ITGA9: variants seen among roughly 807,000 people sequenced by gnomAD.
ITGA9 encodes the protein integrin alpha-9.
In ITGA9, 56 loss-of-function variants were observed where a neutral mutation model predicts 127.8. The ratio of observed to expected loss-of-function variants is 0.44; its 90% confidence interval spans 0.35 to 0.55. ITGA9 has a LOEUF of 0.55. Among genes scored for constraint, ITGA9 ranks in the 20% least tolerant of loss-of-function variants. The pLI, the probability that ITGA9 is intolerant of heterozygous loss-of-function variation, is 0.00. For synonymous variants in ITGA9, 508 were observed against 514.5 expected (o/e 0.99, Z 0.17); for missense variants, 1,196 against 1,347.1 (o/e 0.89, Z 1.76).
At chr3:37,624,900 C>T (rs968270908) in intron 15 of ITGA9, among the ~76,000 whole-genome samples, 3 of 152,166 alleles carry the variant, frequency 2.0e-5, no homozygotes, top group African/African-American at 7.2e-5. Flanking sequence ...AGCCACCATG[C>T]CCAGCCAAGA....
intron 15 of ITGA9, among the ~76,000 whole-genome samples, chr3:37,578,270 G>C (rs1379080242): frequency 6.6e-6 from 1 of 152,154 alleles, no homozygotes; most frequent in Non-Finnish European, 1.5e-5. Context: ...ATTTTAGTTC[G>C]TTGCTGGGAA....
intron 4 of ITGA9, among the ~76,000 whole-genome samples, chr3:37,487,740 T>A (rs1698625439): frequency 6.6e-6 from 1 of 152,084 alleles, no homozygotes; most frequent in African/African-American, 2.4e-5. Flanking sequence ...GGCTTTTAAG[T>A]GTGTAGTAGG....
chr3:37,500,919 T>G (rs1698781598), intron 5 of ITGA9, among the ~76,000 whole-genome samples: 1 of 152,208 alleles, frequency 6.6e-6, no homozygotes, highest in African/African-American at 2.4e-5. Flanking sequence ...GACCAGTATC[T>G]TTGGAGTTTT....
intron 26 of ITGA9, among the ~76,000 whole-genome samples, chr3:37,793,527 G>T (rs932003435): frequency 7.2e-5 from 11 of 151,884 alleles, no homozygotes; most frequent in African/African-American, 2.4e-4. Context: ...CACAGAAGGA[G>T]TGACCCCCGA....
At position 37,741,828 on chromosome 3, in the gene ITGA9, C is replaced by A. The variant is rs1398052976; in HGVS notation, c.2324+9C>A. ...GACACGTCCATCACCGGGTGAGTAG[C>A]CTGGTCCTGGGTTGCCACAACACAG... On this transcript the variant is annotated intron_variant, in intron 21 of 27. Transcript: ENST00000264741. 1 of 1,609,402 alleles carries A rather than the reference C, an allele frequency of 6.2e-7. No homozygotes were observed. Among genetic ancestry groups the A allele is most frequent in the South Asian group, 1.1e-5 (1 of 90,356 alleles).
chr3:37,767,921 A>G (rs1696798045), intron 23 of ITGA9, among the ~76,000 whole-genome samples: 1 of 152,188 alleles, frequency 6.6e-6, no homozygotes, highest in Non-Finnish European at 1.5e-5. Context: ...CCATGTTCAT[A>G]TTAAGGAGCA....
chr3:37,747,882 C>T (rs981135655), intron 22 of ITGA9, among the ~76,000 whole-genome samples: 6 of 152,088 alleles, frequency 3.9e-5, no homozygotes, highest in Non-Finnish European at 8.8e-5. Context: ...TTACACACCA[C>T]CACGCCTAGC....
intron 15 of ITGA9, among the ~76,000 whole-genome samples, chr3:37,613,588 A>C (rs1672573078): frequency 6.6e-6 from 1 of 152,206 alleles, no homozygotes. Flanking sequence ...CAACAGTGTA[A>C]AAGTGTTCTT....
intron 17 of ITGA9, among the ~76,000 whole-genome samples, chr3:37,654,922 T>G (rs922718336): frequency 3.3e-5 from 5 of 152,146 alleles, no homozygotes; most frequent in African/African-American, 9.7e-5. Context: ...AACTCCCACT[T>G]ATGACTAAGA....
intron 18 of ITGA9, among the ~76,000 whole-genome samples, chr3:37,687,987 A>T (rs1387504774): frequency 6.6e-6 from 1 of 152,240 alleles, no homozygotes; most frequent in African/African-American, 2.4e-5. Context: ...GACTGTGTGT[A>T]ACAAACCTCA....
At position 37,732,704 on chromosome 3, in the gene ITGA9, T is replaced by A; in HGVS notation, c.2068-8T>A. On this transcript the variant is annotated splice_region_variant and splice_polypyrimidine_tract_variant and intron_variant, in intron 18 of 27. Coordinates refer to ENST00000264741, the MANE Select transcript of ITGA9 (RefSeq NM_002207.3). ...AGCCGGCCCATCTGTTGGTGCTTTT[T>A]CTTTCAGGAGGAGATGGGCATCTCC... 6.2e-7 allele frequency: 1 copy of A among 1,603,470 alleles called. No individual in the cohort carries two copies. Among genetic ancestry groups the A allele is most frequent in the Non-Finnish European group, 8.5e-7 (1 of 1,175,566 alleles).
At chr3:37,524,782 A>G (rs574828330) in intron 12 of ITGA9, among the ~76,000 whole-genome samples, 1 of 152,356 alleles carries the variant, frequency 6.6e-6, no homozygotes, top group African/African-American at 2.4e-5. Flanking sequence ...CATGCTTCCC[A>G]GTGGTTCAGC....
chr3:37,665,089 C>A (rs530416519), intron 17 of ITGA9, among the ~76,000 whole-genome samples: 12 of 151,598 alleles, frequency 7.9e-5, no homozygotes, highest in Non-Finnish European at 1.3e-4. Context: ...TCTCCTGCCT[C>A]AGCCTCCCGA....
At chr3:37,807,675 A>T (rs903051765) in intron 27 of ITGA9, 3 of 152,330 alleles carry the variant, frequency 2.0e-5, no homozygotes. Context: ...TGAGCCTAAG[A>T]ATTTGAAGTT....
At chr3:37,786,004 C>T (rs569610420) in intron 26 of ITGA9, among the ~76,000 whole-genome samples, 36 of 126,850 alleles carry the variant, frequency 2.8e-4, no homozygotes, top group Non-Finnish European at 1.2e-4. Context: ...GTTGTTCTTG[C>T]AGGAGCAGGG....
At chr3:37,796,182 C>G (rs980600465) in intron 26 of ITGA9, among the ~76,000 whole-genome samples, 3 of 152,040 alleles carry the variant, frequency 2.0e-5, no homozygotes, top group Non-Finnish European at 4.4e-5. Context: ...ATCTTCCCTC[C>G]CTTGTTTAGC....
chr3:37,790,096 A>T, intron 26 of ITGA9: 7 of 555,328 alleles, frequency 1.3e-5, no homozygotes, highest in South Asian at 9.9e-5. Flanking sequence ...CAGTGCTTCT[A>T]CAATGGAAAT....
At chr3:37,535,435 C>T (rs996254130) in intron 14 of ITGA9, among the ~76,000 whole-genome samples, 5 of 152,186 alleles carry the variant, frequency 3.3e-5, no homozygotes, top group African/African-American at 9.7e-5. Flanking sequence ...ATGCTGTTCC[C>T]GACCAGTGGC....
chr3:37,758,464 A>G (rs1696682901), intron 23 of ITGA9, among the ~76,000 whole-genome samples: 1 of 151,096 alleles, frequency 6.6e-6, no homozygotes, highest in Non-Finnish European at 1.5e-5. Context: ...AACTCATTAT[A>G]TATTATTATT....
Sources: allele counts gnomAD v4.1 joint callset (sites outside exome capture counted in the v4.1 genomes callset), GRCh38; gene constraint gnomAD v4.1.1; transcripts MANE v1.5; gene names NCBI Gene and HGNC (gene_info 2026-07-23, HGNC 2026-07-21).